Variants in FAT3 observed in about 807,000 individuals in gnomAD.
FAT3 encodes the protein FAT atypical cadherin 3, also known as protocadherin Fat 3.
In FAT3, 95 loss-of-function variants were observed where a neutral mutation model predicts 310.2. That is an observed-to-expected ratio of 0.31 (90% CI 0.26 to 0.36). The LOEUF (loss-of-function observed/expected upper bound fraction) is 0.36, where lower values mean the gene tolerates loss of function less well. FAT3 is among the 10% of genes least tolerant of loss of function. The pLI, the probability that FAT3 is intolerant of heterozygous loss-of-function variation, is 1.00. For synonymous variants in FAT3, 2,314 were observed against 2,192.9 expected, an observed-to-expected ratio of 1.06 and a Z score of -1.54; for missense variants, 5,408 against 5,715.6, an observed-to-expected ratio of 0.95 and a Z score of 1.74.
At chr11:92,429,783 A>T (rs1950724425) in intron 2 of FAT3, among the ~76,000 whole-genome samples, 1 of 152,070 alleles carries the variant, frequency 6.6e-6, no homozygotes, top group African/African-American at 2.4e-5. Context: ...GGGTAACCCA[A>T]CCTTTCTCTC....
chr11:92,472,673 G>A (rs1161586563), intron 2 of FAT3, among the ~76,000 whole-genome samples: 2 of 152,154 alleles, frequency 1.3e-5, no homozygotes, highest in South Asian at 4.1e-4. Flanking sequence ...CATAAAAACT[G>A]AACTACTAAC....
intron 4 of FAT3, among the ~76,000 whole-genome samples, chr11:92,733,739 AG>A (rs1945257257): frequency 1.3e-5 from 2 of 152,192 alleles, no homozygotes; most frequent in South Asian, 4.1e-4. Context: ...GGGGCAAAAA[AG>A]TGAAACTTCC....
At chr11:92,560,203 A>G (rs147309931) in intron 3 of FAT3, among the ~76,000 whole-genome samples, 1 of 152,290 alleles carries the variant, frequency 6.6e-6, no homozygotes, top group Non-Finnish European at 1.5e-5. Flanking sequence ...CTAATGGCCA[A>G]TGATGTTGAA....
chr11:92,332,346 T>C lies in FAT3; in HGVS notation c.-17-19750T>C, dbSNP rs1947943674. On this transcript the variant is annotated intron_variant, in intron 1 of 27. Transcript: ENST00000525166. ...TGATCCACCTCAGATGAGAGCATAA[T>C]AACATGGTGGGTAAGAGCCTAGGCA... Among the ~76,000 whole-genome samples the C allele has an allele frequency of 1.3e-5, 2 of 152,234 alleles. 1 individual carries two copies. The highest frequency in any genetic ancestry group is 4.1e-4 in the South Asian group (2 of 4,838).
chr11:92,772,100 T>G (rs1338130876), intron 6 of FAT3, among the ~76,000 whole-genome samples: 1 of 152,158 alleles, frequency 6.6e-6, no homozygotes, highest in Non-Finnish European at 1.5e-5. Flanking sequence ...CATTTTAAAA[T>G]GATCAACATT....
intron 13 of FAT3, among the ~76,000 whole-genome samples, chr11:92,818,577 C>T (rs941829951): frequency 6.6e-6 from 1 of 152,166 alleles, no homozygotes; most frequent in Non-Finnish European, 1.5e-5. Context: ...CAGGGATATC[C>T]CCAAATGTAC....
chr11:92,738,657 T>A (rs539740942), intron 4 of FAT3, among the ~76,000 whole-genome samples: 1 of 152,332 alleles, frequency 6.6e-6, no homozygotes, highest in African/African-American at 2.4e-5. Flanking sequence ...GAAGACATGC[T>A]ACTTCCCCAT....
chr11:92,227,261 G>T (rs1863959541), intron 1 of FAT3, among the ~76,000 whole-genome samples: 1 of 152,218 alleles, frequency 6.6e-6, no homozygotes, highest in South Asian at 2.1e-4. Flanking sequence ...TCTTTTCAAA[G>T]GCGAGTCCGG....
At position 92,230,043 on chromosome 11, in the gene FAT3, G is replaced by A. The variant is rs574832506; in HGVS notation, c.-18+4869G>A. 5.9e-5 allele frequency among the ~76,000 whole-genome samples: 9 copies of A among 152,100 alleles called. No homozygotes were observed. The South Asian group carries it at 8.3e-4, about 14-fold the overall frequency. ...ATTGAAGGTGTTGCCTACCGTGGGC[G>A]GAAAAGTCATACAGAGGACCCTGAG... On this transcript the variant is annotated intron_variant, in intron 1 of 27. Coordinates refer to ENST00000525166, the MANE Select transcript of FAT3 (RefSeq NM_001367949.2).
At chr11:92,293,480 A>G (rs1056477629) in intron 1 of FAT3, among the ~76,000 whole-genome samples, 3 of 146,430 alleles carry the variant, frequency 2.0e-5, no homozygotes, top group African/African-American at 7.5e-5. Context: ...CCTGATATAT[A>G]ACCAGTTTTC....
chr11:92,416,247 G>T (rs1438499343), intron 2 of FAT3, among the ~76,000 whole-genome samples: 1 of 150,898 alleles, frequency 6.6e-6, no homozygotes, highest in Non-Finnish European at 1.5e-5. Flanking sequence ...AGCCAGGTGT[G>T]GTGGCACGCA....
intron 2 of FAT3, among the ~76,000 whole-genome samples, chr11:92,478,795 T>G (rs1294286199): frequency 2.6e-5 from 4 of 151,946 alleles, no homozygotes; most frequent in African/African-American, 9.7e-5. Flanking sequence ...AAAAATTTTT[T>G]GTATTTTTAG....
intron 2 of FAT3, among the ~76,000 whole-genome samples, chr11:92,422,339 C>T (rs1001618132): frequency 1.3e-5 from 2 of 152,202 alleles, no homozygotes; most frequent in African/African-American, 4.8e-5. Flanking sequence ...ATTTCTGCCC[C>T]TGTTTCTTGC....
chr11:92,434,719 C>T (rs1591286511), intron 2 of FAT3, among the ~76,000 whole-genome samples: 1 of 152,138 alleles, frequency 6.6e-6, no homozygotes, highest in Non-Finnish European at 1.5e-5. Context: ...GTAATGCCTG[C>T]TTCACAGAGT....
At chr11:92,361,174 A>G (rs906524747) in intron 2 of FAT3, among the ~76,000 whole-genome samples, 3 of 152,112 alleles carry the variant, frequency 2.0e-5, no homozygotes, top group Non-Finnish European at 4.4e-5. Context: ...AGTACTCACT[A>G]TCTGGGATAT....
chr11:92,227,752 C>CTTTTT (rs151286236), intron 1 of FAT3, among the ~76,000 whole-genome samples: 4 of 140,540 alleles, frequency 2.8e-5, no homozygotes, highest in African/African-American at 5.2e-5. Flanking sequence ...CTTTCTTCTT[C>CTTTTT]TTTTTTTTTT....
chr11:92,550,440 A>G (rs2135435582), intron 3 of FAT3, among the ~76,000 whole-genome samples: 1 of 152,342 alleles, frequency 6.6e-6, no homozygotes, highest in East Asian at 1.9e-4. Context: ...ATACTGGCTC[A>G]AGATGCAGAA....
At chr11:92,273,788 G>A (rs1038589473) in intron 1 of FAT3, among the ~76,000 whole-genome samples, 1 of 152,180 alleles carries the variant, frequency 6.6e-6, no homozygotes, top group African/African-American at 2.4e-5. Context: ...GTTATTCTAC[G>A]AAGATACAAA....
In FAT3 at chr11:92,895,164, T is replaced by A. The variant is rs934210877; in HGVS notation, c.*4051T>A. Reference sequence around the variant, plus strand: ...AAAGTGGTTAGGCTTTAATGTTTTATGTTTTTAGTTTCAAACTATGGGAAA... The same window carrying A: ...AAAGTGGTTAGGCTTTAATGTTTTAAGTTTTTAGTTTCAAACTATGGGAAA... On this transcript the variant is annotated 3_prime_UTR_variant, in exon 28 of 28. Transcript: ENST00000525166. 1.3e-5 allele frequency: 2 copies of A among 152,256 alleles called. No homozygotes were observed. The highest frequency in any genetic ancestry group is 2.9e-5 in the Non-Finnish European group (2 of 68,046). The allele number at this position is 152,256 out of a possible 1,614,324, so 9.4% of individuals were successfully genotyped here.
Sources: gnomAD v4.1 joint callset for allele counts (sites outside exome capture counted in the v4.1 genomes callset) on GRCh38, gnomAD v4.1.1 for gene constraint, MANE v1.5 for transcripts, NCBI Gene and HGNC (gene_info 2026-07-23, HGNC 2026-07-21) for gene names.